ELMO1: variants seen among roughly 807,000 people sequenced by gnomAD.
ELMO1 encodes engulfment and cell motility 1.
In ELMO1, 26 loss-of-function variants were observed where a neutral mutation model predicts 98.9. That is an observed-to-expected ratio of 0.26 (90% CI 0.19 to 0.36). ELMO1 has a LOEUF of 0.36. ELMO1 is among the 10% of genes least tolerant of loss of function. The probability of loss-of-function intolerance (pLI) is 1.00; values close to 1 mark genes in which losing one functional copy is unlikely to be tolerated. For missense variants in ELMO1, 627 were observed against 935.2 expected (o/e 0.67, Z 4.30); for synonymous variants, 346 against 346.0 (o/e 1.00, Z 0.00).
chr7:36,970,478 T>G (rs566183217), intron 16 of ELMO1, among the ~76,000 whole-genome samples: 1 of 152,356 alleles, frequency 6.6e-6, no homozygotes, highest in African/African-American at 2.4e-5. Context: ...CACTGGAGGC[T>G]TCCCACTCTG....
chr7:37,303,613 T>A (rs1258985378), intron 4 of ELMO1, among the ~76,000 whole-genome samples: 1 of 152,204 alleles, frequency 6.6e-6, no homozygotes. Flanking sequence ...CTGTAGTTAG[T>A]TTTGTTTGGA....
At chr7:37,176,736 C>T (rs745687874) in intron 13 of ELMO1, among the ~76,000 whole-genome samples, 17 of 152,140 alleles carry the variant, frequency 1.1e-4, no homozygotes, top group Non-Finnish European at 2.4e-4. Context: ...AAATAACTAA[C>T]GGATGCACTG....
At chr7:36,965,571 T>C (rs767095084) in intron 16 of ELMO1, among the ~76,000 whole-genome samples, 32 of 152,146 alleles carry the variant, frequency 2.1e-4, no homozygotes, top group Non-Finnish European at 3.7e-4. Context: ...ACTCTGTTTA[T>C]AATAAGGATT....
chr7:36,976,068 G>A (rs1480461858), intron 16 of ELMO1, among the ~76,000 whole-genome samples: 1 of 152,158 alleles, frequency 6.6e-6, no homozygotes, highest in African/African-American at 2.4e-5. Flanking sequence ...GGTAGTCTCT[G>A]TCACAGCTAC....
At chr7:36,922,923 G>A (rs1727494650) in intron 16 of ELMO1, among the ~76,000 whole-genome samples, 1 of 152,216 alleles carries the variant, frequency 6.6e-6, no homozygotes, top group African/African-American at 2.4e-5. Context: ...GTGACGATGA[G>A]TAGAAATGAC....
At chr7:37,219,944 T>C (rs1793502380) in intron 10 of ELMO1, among the ~76,000 whole-genome samples, 1 of 152,254 alleles carries the variant, frequency 6.6e-6, no homozygotes, top group South Asian at 2.1e-4. Context: ...CTTTTAATTT[T>C]TCAGAACATA....
intron 1 of ELMO1, among the ~76,000 whole-genome samples, chr7:37,401,287 G>C (rs184567291): frequency 6.6e-6 from 1 of 152,260 alleles, no homozygotes; most frequent in East Asian, 1.9e-4. Flanking sequence ...GAAGGGATGG[G>C]TTCAGGACCT....
At chr7:37,253,477 G>T (rs1795466282) in intron 6 of ELMO1, among the ~76,000 whole-genome samples, 1 of 152,114 alleles carries the variant, frequency 6.6e-6, no homozygotes. Context: ...TAACACAAGA[G>T]CGGAAAACCA....
intron 13 of ELMO1, among the ~76,000 whole-genome samples, chr7:37,178,390 C>T (rs1790623363): frequency 6.6e-6 from 1 of 151,178 alleles, no homozygotes; most frequent in African/African-American, 2.4e-5. Context: ...TGAGTTGTTC[C>T]CACAACACAC....
At chr7:36,946,120 C>A (rs1039761272) in intron 16 of ELMO1, among the ~76,000 whole-genome samples, 3 of 152,238 alleles carry the variant, frequency 2.0e-5, no homozygotes, top group African/African-American at 7.2e-5. Context: ...ACCAAGCACC[C>A]TGGGAAAAAT....
rs944366788 is a variant in ELMO1 at position 36,854,614 on chromosome 7, G to A, written c.*937C>T. 2.6e-5 allele frequency: 4 copies of A among 152,076 alleles called. No homozygotes were observed. The highest frequency in any genetic ancestry group is 1.3e-4 in the Admixed American group (2 of 15,254). 9.4% of individuals were successfully genotyped at this position (152,076 alleles called of 1,614,324 possible). On this transcript the variant is annotated 3_prime_UTR_variant, in exon 22 of 22. Coordinates refer to ENST00000310758, the MANE Select transcript of ELMO1 (RefSeq NM_014800.11). ...GTAATAATTACAATGATGTAAACTT[G>A]GATGTCTGACAGCTTGACCATCCTG...
At chr7:36,909,994 C>T (rs1054809329) in intron 16 of ELMO1, among the ~76,000 whole-genome samples, 1 of 152,144 alleles carries the variant, frequency 6.6e-6, no homozygotes, top group Non-Finnish European at 1.5e-5. Context: ...TACTCCATTG[C>T]CCCTTCTTCT....
chr7:37,124,273 A>C (rs907360379), intron 14 of ELMO1, among the ~76,000 whole-genome samples: 1 of 152,204 alleles, frequency 6.6e-6, no homozygotes, highest in Non-Finnish European at 1.5e-5. Flanking sequence ...TAGTGTTGGA[A>C]GTTCTGCCTA....
intron 13 of ELMO1, among the ~76,000 whole-genome samples, chr7:37,152,532 C>T (rs550680240): frequency 1.5e-4 from 23 of 151,400 alleles, no homozygotes; most frequent in African/African-American, 5.3e-4. Context: ...CGTTTTTGTA[C>T]AGCAATGATC....
chr7:37,278,308 A>G (rs1452535826), intron 4 of ELMO1, among the ~76,000 whole-genome samples: 1 of 151,886 alleles, frequency 6.6e-6, no homozygotes, highest in Non-Finnish European at 1.5e-5. Context: ...TATCCTAGAT[A>G]ATCTCAATGG....
intron 15 of ELMO1, among the ~76,000 whole-genome samples, chr7:37,091,494 G>A: frequency 6.6e-6 from 1 of 152,024 alleles, no homozygotes; most frequent in East Asian, 1.9e-4. Flanking sequence ...TAGGAGCTGG[G>A]CATCTTCTTA....
rs562802619 is a variant in ELMO1 at position 36,861,848 on chromosome 7, G to A, written c.1906-112C>T. Reference sequence around the variant, plus strand: ...ATAGGGCCAGCTTGTCTAGCCAAGCGGAGCTGCAATGAGGCTGATGGAAGG... The same window carrying A: ...ATAGGGCCAGCTTGTCTAGCCAAGCAGAGCTGCAATGAGGCTGATGGAAGG... On this transcript the variant is annotated intron_variant, in intron 20 of 21. Coordinates refer to ENST00000310758, the MANE Select transcript of ELMO1 (RefSeq NM_014800.11). 4.9e-5 allele frequency: 49 copies of A among 998,440 alleles called. No individual in the cohort carries two copies. The East Asian group carries it at 5.1e-4, about 10-fold the overall frequency. 61.8% of individuals were successfully genotyped at this position (998,440 alleles called of 1,614,324 possible). A position where few individuals can be genotyped will look rare whatever the true frequency, so the allele number is the denominator to read the frequency against.
intron 6 of ELMO1, among the ~76,000 whole-genome samples, chr7:37,257,465 C>T (rs755580093): frequency 1.3e-5 from 2 of 151,592 alleles, no homozygotes; most frequent in Non-Finnish European, 2.9e-5. Context: ...TGGCTCACGC[C>T]TGTAATCCCA....
intron 1 of ELMO1, among the ~76,000 whole-genome samples, chr7:37,418,480 A>G (rs1392455002): frequency 6.6e-6 from 1 of 152,172 alleles, no homozygotes; most frequent in African/African-American, 2.4e-5. Context: ...ACATTGCAAT[A>G]AGGTAAGGCC....
Sources: gnomAD v4.1 joint callset for allele counts (sites outside exome capture counted in the v4.1 genomes callset) on GRCh38, gnomAD v4.1.1 for gene constraint, MANE v1.5 for transcripts, NCBI Gene and HGNC (gene_info 2026-07-23, HGNC 2026-07-21) for gene names.